PKHD1L1: variants seen among roughly 807,000 people sequenced by gnomAD.
PKHD1L1 encodes PKHD1 like 1, also known as fibrocystin-L.
In PKHD1L1, 434 loss-of-function variants were observed where a neutral mutation model predicts 462.9. That is an observed-to-expected ratio of 0.94 (90% confidence interval 0.87 to 1.02). The LOEUF is 1.02. Ranked by LOEUF, PKHD1L1 falls within the 50% of genes least tolerant of loss-of-function variation. PKHD1L1 has a pLI of 0.00. For synonymous variants in PKHD1L1, 1,781 were observed against 1,750.0 expected (o/e 1.02, Z -0.44); for missense variants, 5,202 against 5,096.1 (o/e 1.02, Z -0.63).
intron 67 of PKHD1L1, among the ~76,000 whole-genome samples, chr8:109,503,305 CAAAAACAAACA>C (rs1425147062): frequency 8.9e-5 from 2 of 22,420 alleles, no homozygotes; most frequent in Non-Finnish European, 1.7e-4. Flanking sequence ...AAAACAAAAA[CAAAAACAAACA>C]AAAAAAAAAC....
intron 67 of PKHD1L1, among the ~76,000 whole-genome samples, chr8:109,499,796 A>G (rs1350777440): frequency 6.6e-6 from 1 of 152,198 alleles, no homozygotes; most frequent in Non-Finnish European, 1.5e-5. Context: ...AGAACAGGGC[A>G]AGGGAAGTTG....
At chr8:109,402,526 C>T (rs543094250) in intron 14 of PKHD1L1, among the ~76,000 whole-genome samples, 2 of 152,208 alleles carry the variant, frequency 1.3e-5, no homozygotes, top group South Asian at 4.1e-4. Context: ...CTAATGCATA[C>T]TGGGCTTAAT....
intron 20 of PKHD1L1, among the ~76,000 whole-genome samples, 190 bp from the exon 21 acceptor site, chr8:109,413,231 T>C (rs879191060): frequency 2.0e-5 from 3 of 152,144 alleles, no homozygotes; most frequent in Admixed American, 2.0e-4. Flanking sequence ...AACCTCACTT[T>C]GTCTGTAAAA....
At chr8:109,522,924 G>A in intron 75 of PKHD1L1, 34 bp downstream of exon 75, 1 of 1,545,638 alleles carries the variant, frequency 6.5e-7, no homozygotes, top group Non-Finnish European at 8.7e-7. Context: ...CTTAAGTGAA[G>A]GAATTAAGCT....
chr8:109,411,327 A>T (rs1813847239), intron 19 of PKHD1L1, among the ~76,000 whole-genome samples: 1 of 152,178 alleles, frequency 6.6e-6, no homozygotes, highest in South Asian at 2.1e-4. Context: ...TGTAAGAATA[A>T]AAAATGTATA....
At chr8:109,513,657 A>G (rs1247924799) in intron 71 of PKHD1L1, among the ~76,000 whole-genome samples, 1 of 152,082 alleles carries the variant, frequency 6.6e-6, no homozygotes, top group Non-Finnish European at 1.5e-5. Flanking sequence ...AGGAGTAAAG[A>G]AAGGAGGCAC....
rs918646107 is a variant in PKHD1L1, at chr8:109,389,206, CCT to C, written c.697+55_697+56del. On this transcript the variant is annotated intron_variant, in intron 8 of 77. Coordinates refer to ENST00000378402, the MANE Select transcript of PKHD1L1 (RefSeq NM_177531.6). ...GCTCACAGATGCCTTATTCTATTTC[CCT>C]GTTTTGTATTCTCCTAGACCTCCCT... 8 of 1,439,466 alleles carry C rather than the reference CCT, an allele frequency of 5.6e-6. No homozygotes were observed. The African/African-American group carries it at 9.9e-5, about 18-fold the overall frequency. The allele number at this position is 1,439,466 out of a possible 1,614,324, so 89.2% of individuals were successfully genotyped here. A position where few individuals can be genotyped will look rare whatever the true frequency, so the allele number is the denominator to read the frequency against.
intron 73 of PKHD1L1, among the ~76,000 whole-genome samples, chr8:109,519,465 C>T (rs1025189534): frequency 1.6e-4 from 25 of 152,100 alleles, no homozygotes; most frequent in Non-Finnish European, 2.4e-4. Flanking sequence ...ATCTTCTCTG[C>T]TCTACATATG....
At chr8:109,404,262 G>T (rs546203806) in intron 14 of PKHD1L1, among the ~76,000 whole-genome samples, 3 of 152,128 alleles carry the variant, frequency 2.0e-5, no homozygotes, top group Non-Finnish European at 4.4e-5. Context: ...TTTTCAAGAT[G>T]TTGAGTATAA....
At chr8:109,373,886 A>AT (rs1196008511) in intron 2 of PKHD1L1, among the ~76,000 whole-genome samples, 4 of 152,134 alleles carry the variant, frequency 2.6e-5, no homozygotes, top group African/African-American at 7.2e-5. Flanking sequence ...TATAATTTCT[A>AT]TTCTTTTACA....
At position 109,475,164 on chromosome 8, in the gene PKHD1L1, T is replaced by C. The variant is rs1442512586; in HGVS notation, c.8652T>C (p.Ser2884=). Residue 2884 remains serine (S), a synonymous_variant, in exon 51 of 78, where the codon TCT becomes TCC. Transcript: ENST00000378402. ...AGAAGAAACGACTGACTCATATGTC[T>C]GGATGGATGGCTCTGATTCCAAATG... ...PFQKKRLTHM[S]GWMALIPNAN... The C allele has an allele frequency of 6.2e-7, 1 of 1,612,796 alleles. No homozygotes were observed. The highest frequency in any genetic ancestry group is 8.5e-7 in the Non-Finnish European group (1 of 1,179,340).
At position 109,411,183 on chromosome 8, in the gene PKHD1L1, C is replaced by T. The variant is rs530686219; in HGVS notation, c.2086-1082C>T. ...AACACTCTGGTTAATTAGTACACGG[C>T]CCAGTCATTATTTATTTCTTAATGA... is the stretch of plus-strand genomic sequence containing the variant. On this transcript the variant is annotated intron_variant, in intron 19 of 77. Coordinates refer to ENST00000378402, the MANE Select transcript of PKHD1L1 (RefSeq NM_177531.6). Among the ~76,000 whole-genome samples the T allele has an allele frequency of 2.6e-5, 4 of 152,076 alleles. No homozygotes were observed. The East Asian group carries it at 7.7e-4, about 29-fold the overall frequency.
intron 35 of PKHD1L1, 113 bp from the exon 36 acceptor site, chr8:109,442,833 A>G (rs1815879679): frequency 1.0e-6 from 1 of 989,504 alleles, no homozygotes; most frequent in African/African-American, 1.6e-5. Context: ...ATGAAAAATA[A>G]GAAACTGTCA....
intron 67 of PKHD1L1, chr8:109,499,145 C>G: frequency 5.6e-6 from 1 of 178,558 alleles, no homozygotes; most frequent in Non-Finnish European, 1.2e-5. Context: ...GCCAAATTCC[C>G]ACAGCTATTG....
rs938569316 is a variant in PKHD1L1, at chr8:109,493,644, T to C, written c.10237-17T>C. 1 of 1,527,006 alleles carries C rather than the reference T, an allele frequency of 6.5e-7. No homozygotes were observed. Among genetic ancestry groups the C allele is most frequent in the South Asian group, 1.2e-5 (1 of 84,092 alleles). 94.6% of individuals were successfully genotyped at this position (1,527,006 alleles called of 1,614,324 possible). A position where few individuals can be genotyped will look rare whatever the true frequency, so the allele number is the denominator to read the frequency against. On this transcript the variant is annotated splice_polypyrimidine_tract_variant and intron_variant, in intron 62 of 77. Transcript: ENST00000378402. ...ACTAGCCTGATGCACAGTATTTTTTTTTAATCATTGCACTAGATAAATAGA... is the reference window on the plus strand; with the variant it reads ...ACTAGCCTGATGCACAGTATTTTTTCTTAATCATTGCACTAGATAAATAGA...
At chr8:109,428,368 A>ATATT (rs1489032127) in intron 25 of PKHD1L1, among the ~76,000 whole-genome samples, 3 of 152,194 alleles carry the variant, frequency 2.0e-5, no homozygotes, top group African/African-American at 7.2e-5. Flanking sequence ...AGACCCACAT[A>ATATT]TATTTACCTG....
At position 109,445,038 on chromosome 8, in the gene PKHD1L1, T is replaced by C; in HGVS notation, c.5169T>C (p.Asp1723=). ...CCCCTGCTGCCCAACAGCTTGTGGA[T>C]GTAGATCTTCTAATACATGGAGTGC... The part of the protein sequence containing the change: ...ETSPAAQQLV[D]VDLLIHGVPA... Residue 1723 remains aspartate (D), a synonymous_variant, in exon 38 of 78, where the codon GAT becomes GAC. Transcript: ENST00000378402. 1 of 1,613,996 alleles carries C rather than the reference T, an allele frequency of 6.2e-7. No homozygotes were observed. The highest frequency in any genetic ancestry group is 1.7e-5 in the Admixed American group (1 of 60,014).
Position 109,381,445 on chromosome 8 carries a change from C to T in PKHD1L1, c.239C>T (p.Ser80Phe), listed in dbSNP as rs769784804. 6.3e-6 allele frequency: 10 copies of T among 1,583,096 alleles called. No homozygotes were observed. Among genetic ancestry groups the T allele is most frequent in the Non-Finnish European group, 1.7e-6 (2 of 1,162,456 alleles). Residue 80 changes from serine (S) to phenylalanine (F), a missense_variant, in exon 3 of 78, where the codon TCT becomes TTT. Ser to Phe is a radical substitution (Grantham distance 155). This residue lies in a region of PKHD1L1 where 4,497 missense variants were observed against 4,336.8 expected (regional missense o/e 1.04). Transcript: ENST00000378402. ...ELGNSVQLISSFQSITCDVEK... is the reference protein window; with the variant it reads ...ELGNSVQLISFFQSITCDVEK... ...GGAAACAGTGTGCAATTAATTTCTT[C>T]TTTCCAGTCAATTACTTGTGATGTA...
At position 109,413,435 on chromosome 8, in the gene PKHD1L1, C is replaced by A. The variant is rs977556994; in HGVS notation, c.2250C>A (p.Tyr750Ter). Residue 750 changes from tyrosine to a stop codon, truncating the protein, a stop_gained, in exon 21 of 78, where the codon TAC (tyrosine) becomes TAA (stop). Transcript: ENST00000378402. LOFTEE classifies it high-confidence loss of function. The stretch of plus-strand genomic sequence containing the variant: ...TTTTTATGTAGTTATGTTTAGCATA[C>A]AAAGGATTCCTGGCAAATTATATTG... ...LFPYNQLCLA[Y>*]KGFLANYIGL... 3.9e-6 allele frequency: 6 copies of A among 1,547,456 alleles called. No homozygotes were observed. In the African/African-American group the frequency reaches 5.4e-5, roughly 14 times the overall value.
Sources: gnomAD v4.1 joint callset for allele counts (sites outside exome capture counted in the v4.1 genomes callset) on GRCh38, gnomAD v4.1.1 for gene constraint, gnomAD v4.1.1 regional missense constraint, MANE v1.5 for transcripts, NCBI Gene and HGNC (gene_info 2026-07-23, HGNC 2026-07-21) for gene names.